Variants in HSPG2 observed in about 807,000 individuals in gnomAD.
The protein encoded by HSPG2 is basement membrane-specific heparan sulfate proteoglycan core protein.
Under a neutral mutation model 526.6 loss-of-function variants are expected in HSPG2, and 278 were observed. The observed-to-expected ratio is 0.53, with a 90% CI of 0.48 to 0.58. The LOEUF (loss-of-function observed/expected upper bound fraction) is 0.58. HSPG2 is among the 20% of genes least tolerant of loss of function. The probability of loss-of-function intolerance (pLI) is 0.00; values close to 1 mark genes in which losing one functional copy is unlikely to be tolerated. For synonymous variants in HSPG2, 2,465 were observed against 2,555.4 expected (o/e 0.96, Z 1.07); for missense variants, 5,354 against 6,099.5 (o/e 0.88, Z 4.07).
chr1:21,890,625 GA>G lies in HSPG2; in HGVS notation c.313del (p.Ser105ProfsTer12). ...EYSPQLEDAG[S>X]REFREVSEAV... ...CTCGGACACCTCTCGGAACTCTCTG[GA>G]GCCTGCATCCTCCAGCTGAGGGCTG... On this transcript the variant is annotated frameshift_variant, in exon 4 of 97. Coordinates refer to ENST00000374695, the MANE Select transcript of HSPG2 (RefSeq NM_005529.7). LOFTEE classifies it high-confidence loss of function. The surrounding 1 kb of genome is among the most constrained non-coding windows in gnomAD (Gnocchi z 4.1). 1 of 1,614,010 alleles carries G rather than the reference GA, an allele frequency of 6.2e-7. No individual in the cohort carries two copies. The highest frequency in any genetic ancestry group is 8.5e-7 in the Non-Finnish European group (1 of 1,179,924).
chr1:21,881,548 C>A, intron 13 of HSPG2, 46 bp from the exon 14 acceptor site: 1 of 1,521,876 alleles, frequency 6.6e-7, no homozygotes, highest in Non-Finnish European at 9.1e-7. Context: ...CTGGGCCTGC[C>A]TGATACACCC....
chr1:21,856,899 C>A, intron 44 of HSPG2, 116 bp downstream of exon 44: 1 of 1,118,494 alleles, frequency 8.9e-7, no homozygotes, highest in Admixed American at 1.7e-5. Context: ...TAGACCAGGA[C>A]CAGGCATGCA....
In HSPG2 at chr1:21,850,046, G is replaced by A. The variant is rs769878615; in HGVS notation, c.7441C>T (p.His2481Tyr). The change falls in exon 57 of 97, where the codon CAC (histidine) becomes TAC (tyrosine). Residue 2481 changes from histidine (H) to tyrosine (Y), a missense_variant. His to Tyr is a moderately conservative substitution (Grantham distance 83). Transcript: ENST00000374695. ...CCTGAGCTCCTGCCTCCTACCTGGTGCCGGGCCGGGAGGCTGCCCCCGCGC... is the reference window on the plus strand; with the variant it reads ...CCTGAGCTCCTGCCTCCTACCTGGTACCGGGCCGGGAGGCTGCCCCCGCGC... ...HKRGGSLPARHQVHGSRLRLL... is the reference protein window; with the variant it reads ...HKRGGSLPARYQVHGSRLRLL... 6.2e-7 allele frequency: 1 copy of A among 1,613,116 alleles called. No homozygotes were observed. The highest frequency in any genetic ancestry group is 1.1e-5 in the South Asian group (1 of 91,064).
At position 21,887,830 on chromosome 1, in the gene HSPG2, C is replaced by T; in HGVS notation, c.703+108G>A. 6.3e-7 allele frequency: 1 copy of T among 1,586,194 alleles called. No individual in the cohort carries two copies. The highest frequency in any genetic ancestry group is 1.1e-5 in the South Asian group (1 of 90,290). ...ATCACCCTTCCTATGCCCCCATCCTCTGCCTGCACCAAACCCTCATAGTCC... is the reference window on the plus strand; with the variant it reads ...ATCACCCTTCCTATGCCCCCATCCTTTGCCTGCACCAAACCCTCATAGTCC... On this transcript the variant is annotated intron_variant, in intron 7 of 96. Coordinates refer to ENST00000374695, the MANE Select transcript of HSPG2 (RefSeq NM_005529.7). The surrounding 1 kb of genome is among the most constrained non-coding windows in gnomAD (Gnocchi z 5.0).
chr1:21,923,491 G>A (rs1167429545), intron 1 of HSPG2, among the ~76,000 whole-genome samples: 3 of 152,166 alleles, frequency 2.0e-5, no homozygotes, highest in Non-Finnish European at 4.4e-5. Context: ...TGAGACTCAC[G>A]ATAAAATCGG....
intron 1 of HSPG2, among the ~76,000 whole-genome samples, chr1:21,902,801 G>A (rs908431214): frequency 5.3e-5 from 8 of 152,184 alleles, no homozygotes; most frequent in Non-Finnish European, 1.0e-4. Flanking sequence ...GGAGTTTCTA[G>A]TCCCAGCTTA....
At chr1:21,857,864 T>C (rs1408860122) in intron 42 of HSPG2, among the ~76,000 whole-genome samples, 1 of 151,960 alleles carries the variant, frequency 6.6e-6, no homozygotes, top group Non-Finnish European at 1.5e-5. Context: ...ATCTACCAGC[T>C]CTCTAGATAC....
intron 33 of HSPG2, among the ~76,000 whole-genome samples, chr1:21,871,789 C>T (rs541844777): frequency 6.6e-6 from 1 of 152,364 alleles, no homozygotes; most frequent in Non-Finnish European, 1.5e-5. Flanking sequence ...GTGTCCAACA[C>T]AAGCACAGAG....
rs917108186 is a variant in HSPG2, at chr1:21,825,236, T to G, written c.12590-457A>C. The stretch of plus-strand genomic sequence containing the variant: ...TCAGGAAACTTAAAACATGTTTTGA[T>G]TACTTTACTTCAGCATAATTGCTTT... On this transcript the variant is annotated intron_variant, in intron 91 of 96. Coordinates refer to ENST00000374695, the MANE Select transcript of HSPG2 (RefSeq NM_005529.7). 66 of 204,758 alleles carry G rather than the reference T, an allele frequency of 3.2e-4. No individual in the cohort carries two copies. The Admixed American group carries it at 3.4e-3, about 11-fold the overall frequency. The allele number at this position is 204,758 out of a possible 1,614,324, so 12.7% of individuals were successfully genotyped here.
At chr1:21,842,946 A>C (rs760690234) in intron 66 of HSPG2, 25 bp from the exon 67 acceptor site, 9 of 1,613,576 alleles carry the variant, frequency 5.6e-6, no homozygotes, top group Non-Finnish European at 7.6e-6. Context: ...GGTGGGTGAG[A>C]GAGGCCAGGC....
chr1:21,836,882 G>A lies in HSPG2; in HGVS notation c.10275C>T (p.Ser3425=), dbSNP rs1047642520. Residue 3425 remains serine, a synonymous_variant, in exon 75 of 97, where the codon AGC becomes AGT. Transcript: ENST00000374695. The part of the protein sequence containing the change: ...ASVEFHCAVP[S]DRGTQLRWFK... The stretch of plus-strand genomic sequence containing the variant: ...ACCAACGGAGCTGGGTACCCCGGTC[G>A]CTGGGCACAGCACAGTGGAACTCAA... 9.5e-6 allele frequency: 15 copies of A among 1,573,350 alleles called. No homozygotes were observed. The highest frequency in any genetic ancestry group is 1.4e-5 in the African/African-American group (1 of 73,990).
In HSPG2 at chr1:21,875,998, C is replaced by A. The variant is rs772980629; in HGVS notation, c.3048G>T (p.Arg1016Ser). 1.2e-6 allele frequency: 2 copies of A among 1,614,030 alleles called. No homozygotes were observed. Among genetic ancestry groups the A allele is most frequent in the South Asian group, 1.1e-5 (1 of 91,092 alleles). ...GGELRFTVTQ[R>S]SQPGSTPLHG... is the part of the protein sequence containing the mutation. ...GCAGGGGTGTGGAGCCCGGCTGGGA[C>A]CTCTGGGTCACTGTGAAGCGCAGCT... The change falls in exon 24 of 97, where the codon AGG becomes AGT. Residue 1016 changes from arginine (R) to serine (S), a missense_variant. Physicochemically the swap from Arg to Ser is moderately radical, Grantham distance 110. Coordinates refer to ENST00000374695, the MANE Select transcript of HSPG2 (RefSeq NM_005529.7).
intron 64 of HSPG2, among the ~76,000 whole-genome samples, chr1:21,844,895 G>A (rs1353679850): frequency 1.3e-5 from 2 of 152,188 alleles, no homozygotes; most frequent in Non-Finnish European, 2.9e-5. Flanking sequence ...TGCATAGCAT[G>A]TGCCCCCTGT....
In HSPG2 at chr1:21,884,857, C is replaced by A. The variant is rs1200925907; in HGVS notation, c.1417G>T (p.Asp473Tyr). 1 of 1,613,990 alleles carries A rather than the reference C, an allele frequency of 6.2e-7. No homozygotes were observed. The highest frequency in any genetic ancestry group is 2.2e-5 in the East Asian group (1 of 44,884). The stretch of plus-strand genomic sequence containing the variant: ...GCCTCACAGGTGTAGGCACCCTGGT[C>A]TGACTCCTTCACATCACGGATGATC... ...TLIIRDVKES[D>Y]QGAYTCEAMN... Residue 473 changes from aspartate (D) to tyrosine (Y), a missense_variant, in exon 12 of 97, where the codon GAC (aspartate) becomes TAC (tyrosine). Coordinates refer to ENST00000374695, the MANE Select transcript of HSPG2 (RefSeq NM_005529.7).
In HSPG2 at chr1:21,838,991, G is replaced by T. The variant is rs1261482463; in HGVS notation, c.9984C>A (p.Leu3328=). 1 of 1,611,570 alleles carries T rather than the reference G, an allele frequency of 6.2e-7. No homozygotes were observed. The highest frequency in any genetic ancestry group is 1.1e-5 in the South Asian group (1 of 91,030). Residue 3328 remains leucine, a synonymous_variant, in exon 74 of 97, where the codon CTC becomes CTA. Coordinates refer to ENST00000374695, the MANE Select transcript of HSPG2 (RefSeq NM_005529.7). The part of the protein sequence containing the change: ...LQCLAHGTPP[L]TFQWSRVGSS... ...TGCCCACGCGGCTCCACTGGAAGGT[G>T]AGTGGGGGTGTCCCGTGAGCCAGGC...
rs557789671 is a variant in HSPG2, at chr1:21,864,950, T to C, written c.4519A>G (p.Ser1507Gly). ...TGGGCGACCTCCAGGCTGACTGCGC[T>C]GATGCTGGCCGCCAGCGGCACGGAG... ...FSSVPLAASI[S>G]AVSLEVAQPG... is the part of the protein sequence containing the mutation. The change falls in exon 36 of 97, where the codon AGC becomes GGC. Residue 1507 changes from serine (S) to glycine (G), a missense_variant. Physicochemically the swap from Ser to Gly is moderately conservative, Grantham distance 56. Transcript: ENST00000374695. This position sits in a 1 kb window ranked among gnomAD's most constrained non-coding sequence, Gnocchi z 4.8. 4 of 1,605,192 alleles carry C rather than the reference T, an allele frequency of 2.5e-6. No homozygotes were observed. The highest frequency in any genetic ancestry group is 2.7e-5 in the African/African-American group (2 of 74,926).
At chr1:21,831,927 GTTC>G in intron 81 of HSPG2, 131 bp from the exon 82 acceptor site, 2 of 953,510 alleles carry the variant, frequency 2.1e-6, no homozygotes, top group Non-Finnish European at 3.1e-6. Context: ...CCCTGGGGCT[GTTC>G]CCGTTCCTGT....
chr1:21,846,409 A>T, intron 63 of HSPG2, 39 bp downstream of exon 63: 1 of 1,612,536 alleles, frequency 6.2e-7, no homozygotes, highest in Non-Finnish European at 8.5e-7. Context: ...GGGCCCCCAC[A>T]TCCAGCGGCT....
In HSPG2 at chr1:21,880,802, C is replaced by A. The variant is rs757543686; in HGVS notation, c.1852G>T (p.Val618Leu). ...DSYGGSLRYN[V>L]RYELARGMLE... Reference sequence around the variant, plus strand: ...ATGCCACGGGCCAACTCGTAGCGCACGTTGTAACGCAGGGAGCCGCCATAG... The same window carrying A: ...ATGCCACGGGCCAACTCGTAGCGCAAGTTGTAACGCAGGGAGCCGCCATAG... Residue 618 changes from valine to leucine, a missense_variant, in exon 15 of 97, where the codon GTG (valine) becomes TTG (leucine). Transcript: ENST00000374695. 4 of 1,595,712 alleles carry A rather than the reference C, an allele frequency of 2.5e-6. No individual in the cohort carries two copies. Among genetic ancestry groups the A allele is most frequent in the Admixed American group, 3.5e-5 (2 of 57,622 alleles).
Sources: allele counts gnomAD v4.1 joint callset (sites outside exome capture counted in the v4.1 genomes callset), GRCh38; gene constraint gnomAD v4.1.1; non-coding constraint Gnocchi (gnomAD v3.1); transcripts MANE v1.5; gene names NCBI Gene and HGNC (gene_info 2026-07-23, HGNC 2026-07-21).